The following CACNA2D1 variants were observed in gnomAD, a reference collection of about 807,000 sequenced individuals.
The protein encoded by CACNA2D1 is calcium voltage-gated channel auxiliary subunit alpha2delta 1, also known as voltage-dependent calcium channel subunit alpha-2/delta-1.
A neutral mutation model predicts 171.5 loss-of-function variants in CACNA2D1; 53 were observed. The ratio of observed to expected loss-of-function variants is 0.31; its 90% CI spans 0.25 to 0.39. The LOEUF (loss-of-function observed/expected upper bound fraction) is 0.39, where lower values mean the gene tolerates loss of function less well. Ranked by LOEUF, CACNA2D1 falls within the 10% of genes least tolerant of loss-of-function variation. CACNA2D1 has a pLI of 1.00. For missense variants in CACNA2D1, 903 were observed against 1,299.8 expected (o/e 0.69, Z 4.69); for synonymous variants, 442 against 443.1 (o/e 1.00, Z 0.03).
Position 81,961,082 on chromosome 7 carries a change from ACCT to A in CACNA2D1, c.2966+809_2966+811del, listed in dbSNP as rs147979501. Among the ~76,000 whole-genome samples the A allele has an allele frequency of 8.4e-3, 1,273 of 151,050 alleles. 16 individuals are homozygous for A. The highest frequency in any genetic ancestry group is 0.029 in the African/African-American group (1,186 of 41,124). The stretch of plus-strand genomic sequence containing the variant: ...CACTTTCATAATCTCAGATTACCTC[ACCT>A]CCTCCTATTTCTTCTTCCGCTATGG... On this transcript the variant is annotated intron_variant, in intron 36 of 38. Coordinates refer to ENST00000356860, the MANE Select transcript of CACNA2D1 (RefSeq NM_000722.4).
chr7:81,969,716 G>C (rs1795067003), intron 28 of CACNA2D1, among the ~76,000 whole-genome samples, 165 bp downstream of exon 28: 1 of 151,182 alleles, frequency 6.6e-6, no homozygotes, highest in Non-Finnish European at 1.5e-5. Flanking sequence ...TCAACTAAAT[G>C]ATGTTTCTTT....
At chr7:82,276,499 A>G (rs1374050243) in intron 3 of CACNA2D1, among the ~76,000 whole-genome samples, 1 of 152,178 alleles carries the variant, frequency 6.6e-6, no homozygotes, top group East Asian at 1.9e-4. Context: ...AGCTCCAGGT[A>G]GCAATGTAAA....
At chr7:82,319,951 C>T (rs1158920274) in intron 3 of CACNA2D1, among the ~76,000 whole-genome samples, 1 of 152,226 alleles carries the variant, frequency 6.6e-6, no homozygotes, top group Non-Finnish European at 1.5e-5. Flanking sequence ...GGACTGCCAA[C>T]AGCAGGAGCA....
chr7:82,245,255 G>C (rs1012387515), intron 3 of CACNA2D1, among the ~76,000 whole-genome samples: 2 of 152,192 alleles, frequency 1.3e-5, no homozygotes, highest in African/African-American at 2.4e-5. Context: ...AGTGTCTACT[G>C]TCTTCCTCAC....
chr7:82,279,465 T>C (rs1585316625), intron 3 of CACNA2D1, among the ~76,000 whole-genome samples: 3 of 152,342 alleles, frequency 2.0e-5, no homozygotes, highest in Middle Eastern at 3.4e-3. Flanking sequence ...GTAGTTGTTA[T>C]AATCCAAAAT....
At chr7:82,031,187 A>T (rs1233641758) in intron 12 of CACNA2D1, among the ~76,000 whole-genome samples, 1 of 151,702 alleles carries the variant, frequency 6.6e-6, no homozygotes, top group South Asian at 2.1e-4. Context: ...AGAGTGAAGG[A>T]TATGTATATG....
chr7:82,375,766 C>G (rs1822953915), intron 1 of CACNA2D1, among the ~76,000 whole-genome samples: 1 of 152,056 alleles, frequency 6.6e-6, no homozygotes, highest in Non-Finnish European at 1.5e-5. Flanking sequence ...ATTCAATGCC[C>G]CCCAAATATT....
intron 30 of CACNA2D1, 95 bp from the exon 31 acceptor site, chr7:81,967,302 A>C: frequency 1.9e-6 from 2 of 1,044,728 alleles, no homozygotes; most frequent in Non-Finnish European, 2.9e-6. Flanking sequence ...GAAATAATTT[A>C]TCCAGTAGAA....
intron 5 of CACNA2D1, among the ~76,000 whole-genome samples, chr7:82,119,169 T>C (rs1563076356): frequency 6.6e-6 from 1 of 152,116 alleles, no homozygotes; most frequent in Non-Finnish European, 1.5e-5. Context: ...TCAGAACACA[T>C]ACAAGAAAGA....
chr7:82,403,753 A>C (rs1826718447), intron 1 of CACNA2D1, among the ~76,000 whole-genome samples: 1 of 152,186 alleles, frequency 6.6e-6, no homozygotes, highest in Admixed American at 6.5e-5. Context: ...ACCGGAATTA[A>C]TGCTGGGGAA....
Position 82,229,847 on chromosome 7 carries a change from T to C in CACNA2D1, c.295-59238A>G, listed in dbSNP as rs546949658. ...GACCAGCCTCCTGCTTTACTTTGAG[T>C]CTCTACCAAATGCATGTGATGATGG... On this transcript the variant is annotated intron_variant, in intron 3 of 38. Coordinates refer to ENST00000356860, the MANE Select transcript of CACNA2D1 (RefSeq NM_000722.4). 9.5e-4 allele frequency among the ~76,000 whole-genome samples: 145 copies of C among 152,108 alleles called. 2 individuals are homozygous for C. The highest frequency in any genetic ancestry group is 3.4e-3 in the Middle Eastern group (1 of 294).
intron 3 of CACNA2D1, among the ~76,000 whole-genome samples, chr7:82,273,406 G>A (rs146553499): frequency 1.2e-3 from 181 of 151,552 alleles, no homozygotes; most frequent in African/African-American, 3.6e-3. Context: ...ATATACATAC[G>A]ATGTTGCCAT....
intron 6 of CACNA2D1, among the ~76,000 whole-genome samples, chr7:82,103,133 C>A (rs979668609): frequency 3.8e-4 from 57 of 151,970 alleles, no homozygotes; most frequent in Non-Finnish European, 1.0e-4. Context: ...CATGGTGAAA[C>A]CCCATCTCTA....
chr7:82,146,641 T>A (rs1235173448), intron 4 of CACNA2D1, among the ~76,000 whole-genome samples: 2 of 151,076 alleles, frequency 1.3e-5, no homozygotes, highest in African/African-American at 4.9e-5. Flanking sequence ...TATGAAGTGC[T>A]ACTGAAAGGG....
At position 82,314,812 on chromosome 7, in the gene CACNA2D1, C is replaced by T. The variant is rs531836815; in HGVS notation, c.294+20323G>A. The stretch of plus-strand genomic sequence containing the variant: ...AAATGCCTGAGATAAACTTATCCGT[C>T]ATTATGCCAATGAAAATGTGATAAT... On this transcript the variant is annotated intron_variant, in intron 3 of 38. Transcript: ENST00000356860. Among the ~76,000 whole-genome samples the T allele has an allele frequency of 2.6e-5, 4 of 152,080 alleles. No individual in the cohort carries two copies. The South Asian group carries it at 8.3e-4, about 32-fold the overall frequency.
intron 7 of CACNA2D1, among the ~76,000 whole-genome samples, chr7:82,082,556 A>G (rs1273230837): frequency 6.6e-6 from 1 of 151,742 alleles, no homozygotes; most frequent in Non-Finnish European, 1.5e-5. Flanking sequence ...AAGGGTACGT[A>G]TATGTAAAAT....
At chr7:82,141,527 G>A (rs1295667767) in intron 4 of CACNA2D1, among the ~76,000 whole-genome samples, 2 of 152,010 alleles carry the variant, frequency 1.3e-5, no homozygotes, top group African/African-American at 2.4e-5. Context: ...AACAACAATC[G>A]GGGGAGCCAC....
At chr7:82,137,007 AT>A (rs1385932254) in intron 4 of CACNA2D1, among the ~76,000 whole-genome samples, 4 of 152,238 alleles carry the variant, frequency 2.6e-5, no homozygotes, top group African/African-American at 7.2e-5. Flanking sequence ...GAACAGGATA[AT>A]TCAAGAAGCA....
chr7:82,136,741 C>A, intron 4 of CACNA2D1, 65 bp from the exon 5 acceptor site: 1 of 1,008,982 alleles, frequency 9.9e-7, no homozygotes, highest in South Asian at 1.5e-5. Flanking sequence ...ATACTGAATA[C>A]ATTTTATGCA....
Sources: gnomAD v4.1 joint callset for allele counts (sites outside exome capture counted in the v4.1 genomes callset) on GRCh38, gnomAD v4.1.1 for gene constraint, MANE v1.5 for transcripts, NCBI Gene and HGNC (gene_info 2026-07-23, HGNC 2026-07-21) for gene names.